Variants in DGKH observed in about 807,000 individuals in gnomAD.
The protein encoded by DGKH is DAG kinase eta.
Under a neutral mutation model 159.3 loss-of-function variants are expected in DGKH, and 90 were observed. The observed-to-expected ratio is 0.57, with a 90% confidence interval of 0.48 to 0.67. The LOEUF (loss-of-function observed/expected upper bound fraction) is 0.67, where lower values mean the gene tolerates loss of function less well. Ranked by LOEUF, DGKH falls within the 30% of genes least tolerant of loss-of-function variation. The pLI is 0.00. For synonymous variants in DGKH, 536 were observed against 553.8 expected, an observed-to-expected ratio of 0.97 and a Z score of 0.45; for missense variants, 1,181 against 1,506.1, an observed-to-expected ratio of 0.78 and a Z score of 3.57.
chr13:42,057,260 T>A (rs1881833279), intron 1 of DGKH, among the ~76,000 whole-genome samples: 1 of 152,164 alleles, frequency 6.6e-6, no homozygotes, highest in Non-Finnish European at 1.5e-5. Context: ...CATGGCCTAT[T>A]AAAACATATT....
At position 42,236,828 on chromosome 13, in the gene DGKH, A is replaced by C. The variant is rs1290420720; in HGVS notation, c.*7640A>C. On this transcript the variant is annotated 3_prime_UTR_variant, in exon 30 of 30. Coordinates refer to ENST00000337343, the MANE Select transcript of DGKH (RefSeq NM_178009.5). ...TGAGGCAGGAGAATTGCTTGAACCC[A>C]GGAGGTGGAGGTTGCAGTGAGCCAA... 6.6e-6 allele frequency: 1 copy of C among 152,206 alleles called. No individual in the cohort carries two copies. Among genetic ancestry groups the C allele is most frequent in the African/African-American group, 2.4e-5 (1 of 41,414 alleles). The allele number at this position is 152,206 out of a possible 1,614,324, so 9.4% of individuals were successfully genotyped here.
Position 42,225,367 on chromosome 13 carries a change from G to T in DGKH, c.3574-3732G>T, listed in dbSNP as rs555335964. ...GAGTTTTTTGTTTAGTTTATTTTTT[G>T]TTTTTTCTATTTGGAAAGTTGTGTA... On this transcript the variant is annotated intron_variant, in intron 29 of 29. Transcript: ENST00000337343. 1.4e-5 allele frequency: 22 copies of T among 1,556,242 alleles called. No homozygotes were observed. In the African/African-American group the frequency reaches 2.3e-4, roughly 17 times the overall value.
chr13:42,249,552 T>C (rs1958605548), intron 29 of DGKH, among the ~76,000 whole-genome samples: 1 of 152,226 alleles, frequency 6.6e-6, no homozygotes, highest in African/African-American at 2.4e-5. Context: ...TTTTCAGCTT[T>C]GCAGGACACG....
intron 1 of DGKH, among the ~76,000 whole-genome samples, chr13:42,078,145 G>C (rs752823410): frequency 1.3e-5 from 2 of 152,198 alleles, no homozygotes; most frequent in Non-Finnish European, 2.9e-5. Context: ...AAGAAGTGTA[G>C]TAAGTACTGC....
At chr13:42,118,918 A>T (rs1489356475) in intron 1 of DGKH, among the ~76,000 whole-genome samples, 1 of 152,228 alleles carries the variant, frequency 6.6e-6, no homozygotes, top group Non-Finnish European at 1.5e-5. Flanking sequence ...ACATTTCCTT[A>T]AAACAGTACT....
chr13:42,085,113 A>G (rs755597224), intron 1 of DGKH, among the ~76,000 whole-genome samples: 12 of 152,156 alleles, frequency 7.9e-5, no homozygotes, highest in Non-Finnish European at 1.5e-4. Flanking sequence ...GGTTATGTTA[A>G]TGCAGATGAT....
chr13:42,054,464 C>T (rs1264145188), intron 1 of DGKH, among the ~76,000 whole-genome samples: 1 of 152,188 alleles, frequency 6.6e-6, no homozygotes, highest in Non-Finnish European at 1.5e-5. Flanking sequence ...AATTAACACA[C>T]ATCCAGGTCA....
At chr13:42,197,087 T>G (rs1053287626) in intron 17 of DGKH, among the ~76,000 whole-genome samples, 1 of 151,760 alleles carries the variant, frequency 6.6e-6, no homozygotes, top group African/African-American at 2.4e-5. Context: ...CCGTCTCTAC[T>G]AAAAATACAA....
chr13:42,209,928 TA>T (rs1957600235), intron 23 of DGKH, among the ~76,000 whole-genome samples: 1 of 151,682 alleles, frequency 6.6e-6, no homozygotes, highest in Non-Finnish European at 1.5e-5. Flanking sequence ...TTCACGACCC[TA>T]AAAATTCCTT....
chr13:42,160,867 G>A (rs1307543258), intron 7 of DGKH, among the ~76,000 whole-genome samples: 1 of 152,172 alleles, frequency 6.6e-6, no homozygotes, highest in South Asian at 2.1e-4. Flanking sequence ...TTTTTGGTAT[G>A]TATGGTGTAG....
At chr13:42,069,872 T>C (rs1882840809) in intron 1 of DGKH, 4 of 754,816 alleles carry the variant, frequency 5.3e-6, no homozygotes, top group Admixed American at 2.3e-5. Flanking sequence ...CCCAGATACC[T>C]TTCCCGATCT....
At chr13:42,243,249 T>C (rs867588415), downstream of DGKH, among the ~76,000 whole-genome samples, 21 of 152,340 alleles carry the variant, frequency 1.4e-4, no homozygotes, top group South Asian at 1.2e-3. Context: ...GAATATTACA[T>C]AAATGGAATC....
intron 9 of DGKH, among the ~76,000 whole-genome samples, chr13:42,167,737 C>T (rs1555819): frequency 0.35 from 53,698 of 151,994 alleles, 10,008 homozygotes; most frequent in Non-Finnish European, 0.42. Flanking sequence ...CTTTCTAACA[C>T]GTCCATTTTA....
intron 1 of DGKH, among the ~76,000 whole-genome samples, chr13:42,102,040 C>T (rs1312345033): frequency 2.0e-5 from 3 of 152,156 alleles, no homozygotes; most frequent in African/African-American, 7.2e-5. Flanking sequence ...GGTTTCTAAC[C>T]CTCAGCCCAG....
chr13:42,217,825 G>A lies in DGKH; in HGVS notation c.3214-1405G>A, dbSNP rs1233702344. Among the ~76,000 whole-genome samples, 4 of 152,146 alleles carry A rather than the reference G, an allele frequency of 2.6e-5. No individual in the cohort carries two copies. The East Asian group carries it at 7.7e-4, about 29-fold the overall frequency. ...GAGGCAGGCAGCTCATTGTAGACCA[G>A]GAGTTTGAGACCAGCCTGGACAACA... On this transcript the variant is annotated intron_variant, in intron 26 of 29. Coordinates refer to ENST00000337343, the MANE Select transcript of DGKH (RefSeq NM_178009.5).
chr13:42,207,630 AAC>A (rs1393411231), intron 21 of DGKH, among the ~76,000 whole-genome samples: 10 of 150,568 alleles, frequency 6.6e-5, no homozygotes, highest in Non-Finnish European at 3.0e-5. Flanking sequence ...AAAAGAAGAA[AAC>A]ACAACCTTAC....
intron 1 of DGKH, chr13:42,068,955 G>T: frequency 6.9e-7 from 1 of 1,452,378 alleles, no homozygotes; most frequent in Non-Finnish European, 9.6e-7. Context: ...TCAGAATGCC[G>T]CTGTATGTTT....
At position 42,231,845 on chromosome 13, in the gene DGKH, C is replaced by A. The variant is rs1188342709; in HGVS notation, c.*2657C>A. On this transcript the variant is annotated 3_prime_UTR_variant, in exon 30 of 30. Transcript: ENST00000337343. Reference sequence around the variant, plus strand: ...CTAGCTCGGTTGGTAGAGCGTGAGTCTCTTAATGGAATCCTTAATTAGCTA... The same window carrying A: ...CTAGCTCGGTTGGTAGAGCGTGAGTATCTTAATGGAATCCTTAATTAGCTA... 6.6e-6 allele frequency: 1 copy of A among 152,170 alleles called. No individual in the cohort carries two copies. Among genetic ancestry groups the A allele is most frequent in the Admixed American group, 6.5e-5 (1 of 15,276 alleles). 9.4% of individuals were successfully genotyped at this position (152,170 alleles called of 1,614,324 possible). A position where few individuals can be genotyped will look rare whatever the true frequency, so the allele number is the denominator to read the frequency against.
At chr13:42,050,283 A>G (rs1227342593) in intron 1 of DGKH, among the ~76,000 whole-genome samples, 2 of 152,176 alleles carry the variant, frequency 1.3e-5, no homozygotes, top group African/African-American at 2.4e-5. Context: ...AGGCAGGAGA[A>G]TCGTTTGAAC....
Sources: allele counts gnomAD v4.1 joint callset (sites outside exome capture counted in the v4.1 genomes callset), GRCh38; gene constraint gnomAD v4.1.1; transcripts MANE v1.5; gene names NCBI Gene and HGNC (gene_info 2026-07-23, HGNC 2026-07-21).